The following WIPF2 variants were observed in gnomAD, a reference collection of about 807,000 sequenced individuals.
WIPF2 encodes the protein WAS/WASL-interacting protein family member 2.
WIPF2 carries 23 observed loss-of-function variants against 38.8 expected under a neutral mutation model. The ratio of observed to expected loss-of-function variants is 0.59; its 90% CI spans 0.43 to 0.84. The LOEUF is 0.84. Among genes scored for constraint, WIPF2 ranks in the 40% least tolerant of loss-of-function variants. The pLI, the probability that WIPF2 is intolerant of heterozygous loss-of-function variation, is 0.00. For synonymous variants in WIPF2, 210 were observed against 223.2 expected, an observed-to-expected ratio of 0.94 and a Z score of 0.53; for missense variants, 574 against 580.5, an observed-to-expected ratio of 0.99 and a Z score of 0.11.
At chr17:40,229,996 AAAAC>A (rs1260690994) in intron 1 of WIPF2, among the ~76,000 whole-genome samples, 4 of 152,186 alleles carry the variant, frequency 2.6e-5, no homozygotes, top group African/African-American at 7.2e-5. Context: ...TAGGGAGTGA[AAAAC>A]AGACAGGTAG....
In WIPF2 at chr17:40,278,524, A is replaced by G; in HGVS notation, c.*299A>G. The G allele has an allele frequency of 2.4e-6, 1 of 418,612 alleles. No individual in the cohort carries two copies. Among genetic ancestry groups the G allele is most frequent in the Non-Finnish European group, 4.4e-6 (1 of 229,016 alleles). 25.9% of individuals were successfully genotyped at this position (418,612 alleles called of 1,614,324 possible). On this transcript the variant is annotated 3_prime_UTR_variant, in exon 8 of 8. Coordinates refer to ENST00000323571, the MANE Select transcript of WIPF2 (RefSeq NM_133264.5). ...TGTCTTCTGCCTTCCTCTTGGGGAA[A>G]GGTGCCTTGTTGTGATGAATTAACT... is the stretch of plus-strand genomic sequence containing the variant.
rs771927035 is a variant in WIPF2, at chr17:40,263,555, C to G, written c.313+914C>G. ...TTATTTTATTTATTCGTCCCCCCCC[C>G]CCCCGCAAATGGAGTCTTGCTCTGT... On this transcript the variant is annotated intron_variant, in intron 4 of 7. Transcript: ENST00000323571. Among the ~76,000 whole-genome samples, 28 of 144,082 alleles carry G rather than the reference C, an allele frequency of 1.9e-4. 1 individual carries two copies. Among genetic ancestry groups the G allele is most frequent in the East Asian group, 6.1e-4 (3 of 4,898 alleles). 94.5% of individuals were successfully genotyped at this position (144,082 alleles called of 152,430 possible). A position where few individuals can be genotyped will look rare whatever the true frequency, so the allele number is the denominator to read the frequency against.
In WIPF2 at chr17:40,260,605, G is replaced by A. The variant is rs1243903881; in HGVS notation, c.134G>A (p.Cys45Tyr). ...RGRGALLQDI[C>Y]KGTKLKKVTN... Reference sequence around the variant, plus strand: ...CGAGGCGCCCTCTTACAGGACATTTGCAAAGGGACCAAGCTGAAGAAGGTG... The same window carrying A: ...CGAGGCGCCCTCTTACAGGACATTTACAAAGGGACCAAGCTGAAGAAGGTG... Residue 45 changes from cysteine (C) to tyrosine (Y), a missense_variant, in exon 3 of 8, where the codon TGC becomes TAC. Transcript: ENST00000323571. 3.7e-6 allele frequency: 6 copies of A among 1,613,914 alleles called. No homozygotes were observed. The highest frequency in any genetic ancestry group is 4.2e-6 in the Non-Finnish European group (5 of 1,180,000).
At chr17:40,277,979 G>A (rs1164126064) in intron 7 of WIPF2, among the ~76,000 whole-genome samples, 1 of 152,068 alleles carries the variant, frequency 6.6e-6, no homozygotes, top group African/African-American at 2.4e-5. Context: ...GCCCGCCTCG[G>A]CCTCCCAAAG....
rs550744985 is a variant in WIPF2 at position 40,264,716 on chromosome 17, A to G, written c.540A>G (p.Pro180=). 1 of 1,212,386 alleles carries G rather than the reference A, an allele frequency of 8.2e-7. No individual in the cohort carries two copies. Among genetic ancestry groups the G allele is most frequent in the East Asian group, 4.3e-5 (1 of 23,486 alleles). 75.1% of individuals were successfully genotyped at this position (1,212,386 alleles called of 1,614,324 possible). A position where few individuals can be genotyped will look rare whatever the true frequency, so the allele number is the denominator to read the frequency against. The change falls in exon 5 of 8, where the codon CCA becomes CCG. Residue 180 remains proline (P), a synonymous_variant. Transcript: ENST00000323571. Reference sequence around the variant, plus strand: ...ACAGCTCCTCTGCCCCTCCCCCACCACCCCCAGGGCGGCGTGCCAACGCAC... The same window carrying G: ...ACAGCTCCTCTGCCCCTCCCCCACCGCCCCCAGGGCGGCGTGCCAACGCAC... ...MKHSSSAPPP[P]PPGRRANAPP... is the part of the protein sequence containing the mutation.
intron 5 of WIPF2, among the ~76,000 whole-genome samples, chr17:40,266,274 G>A (rs895927274): frequency 2.0e-5 from 3 of 149,872 alleles, no homozygotes; most frequent in African/African-American, 4.9e-5. Context: ...CTGAGCCCTC[G>A]CCCTCCTACA....
chr17:40,245,310 A>C (rs1233619037), intron 1 of WIPF2, among the ~76,000 whole-genome samples: 1 of 151,920 alleles, frequency 6.6e-6, no homozygotes, highest in Non-Finnish European at 1.5e-5. Flanking sequence ...AGGGCTTAGC[A>C]ACCTCAGCAT....
chr17:40,219,421 G>T lies in WIPF2; in HGVS notation c.-141G>T. 1 of 388,904 alleles carries T rather than the reference G, an allele frequency of 2.6e-6. No homozygotes were observed. The highest frequency in any genetic ancestry group is 4.2e-5 in the Admixed American group (1 of 23,940). 24.1% of individuals were successfully genotyped at this position (388,904 alleles called of 1,614,324 possible). A position where few individuals can be genotyped will look rare whatever the true frequency, so the allele number is the denominator to read the frequency against. On this transcript the variant is annotated 5_prime_UTR_variant, in exon 1 of 8. Coordinates refer to ENST00000323571, the MANE Select transcript of WIPF2 (RefSeq NM_133264.5). ...GGCGACGGCGAGAAAGAGCTTGCCG[G>T]GGGGCGAGCAGGACAGGACGAAGCC...
At chr17:40,219,564 C>T (rs897060447) in intron 1 of WIPF2, 72 bp downstream of exon 1, 1 of 64,910 alleles carries the variant, frequency 1.5e-5, no homozygotes, top group African/African-American at 5.9e-5. Flanking sequence ...GGGAAAGTCG[C>T]GGGGAGGGGG....
chr17:40,223,877 G>A (rs1417602209), intron 1 of WIPF2, among the ~76,000 whole-genome samples: 1 of 151,938 alleles, frequency 6.6e-6, no homozygotes, highest in Admixed American at 6.6e-5. Flanking sequence ...GAGCCACCGC[G>A]CCCGGCCCGA....
chr17:40,255,429 G>A (rs1284627083), intron 1 of WIPF2, among the ~76,000 whole-genome samples: 1 of 151,252 alleles, frequency 6.6e-6, no homozygotes, highest in Admixed American at 6.6e-5. Flanking sequence ...AGGTTCAAGC[G>A]ATTCTCCTGC....
intron 1 of WIPF2, among the ~76,000 whole-genome samples, chr17:40,234,322 G>C (rs934694940): frequency 6.6e-6 from 1 of 152,150 alleles, no homozygotes; most frequent in African/African-American, 2.4e-5. Flanking sequence ...CCAGCTACTC[G>C]GGAGGCTGAG....
chr17:40,230,956 GTTT>G (rs1409720797), intron 1 of WIPF2, among the ~76,000 whole-genome samples: 1 of 152,138 alleles, frequency 6.6e-6, no homozygotes, highest in Non-Finnish European at 1.5e-5. Flanking sequence ...ATATGAAAGT[GTTT>G]TTATCTGCAA....
intron 5 of WIPF2, among the ~76,000 whole-genome samples, chr17:40,267,426 C>A (rs567449560): frequency 2.0e-4 from 31 of 152,086 alleles, no homozygotes; most frequent in Non-Finnish European, 4.4e-4. Context: ...TGAGGGAGAC[C>A]GTGACAGCTC....
chr17:40,279,254 C>T lies in WIPF2; in HGVS notation c.*1029C>T, dbSNP rs191762191. On this transcript the variant is annotated 3_prime_UTR_variant, in exon 8 of 8. Transcript: ENST00000323571. ...GGTGCTCCAGGATAACAAAGAAGGGCAGGTTGAAGCCCCTCATGGAAGGAG... is the reference window on the plus strand; with the variant it reads ...GGTGCTCCAGGATAACAAAGAAGGGTAGGTTGAAGCCCCTCATGGAAGGAG... 6.6e-6 allele frequency: 1 copy of T among 152,456 alleles called. No individual in the cohort carries two copies. Among genetic ancestry groups the T allele is most frequent in the African/African-American group, 2.4e-5 (1 of 41,534 alleles). The allele number at this position is 152,456 out of a possible 1,614,324, so 9.4% of individuals were successfully genotyped here.
chr17:40,235,924 TCTTC>T (rs2030950700), intron 1 of WIPF2, among the ~76,000 whole-genome samples: 1 of 151,422 alleles, frequency 6.6e-6, no homozygotes, highest in African/African-American at 2.4e-5. Context: ...TTACCTCCTT[TCTTC>T]CTTCACACTT....
chr17:40,264,998 T>C lies in WIPF2; in HGVS notation c.822T>C (p.Pro274=), dbSNP rs768443316. The C allele has an allele frequency of 2.4e-5, 39 of 1,613,954 alleles. No individual in the cohort carries two copies. The highest frequency in any genetic ancestry group is 2.5e-5 in the Non-Finnish European group (30 of 1,179,998). ...GPSSPTNESA[P]ELPQRHNSLH... The stretch of plus-strand genomic sequence containing the variant: ...CTAGCCCCACTAATGAGTCAGCCCC[T>C]GAGCTGCCACAGAGACACAATTCTT... The change falls in exon 5 of 8, where the codon CCT becomes CCC. Residue 274 remains proline (P), a synonymous_variant. Coordinates refer to ENST00000323571, the MANE Select transcript of WIPF2 (RefSeq NM_133264.5).
intron 6 of WIPF2, 102 bp from the exon 7 acceptor site, chr17:40,276,981 A>G (rs2032423477): frequency 9.7e-7 from 1 of 1,028,520 alleles, no homozygotes; most frequent in East Asian, 2.4e-5. Flanking sequence ...ACAGTACCTC[A>G]GAATGCCTGA....
intron 1 of WIPF2, among the ~76,000 whole-genome samples, chr17:40,252,044 C>T (rs2031575852): frequency 6.6e-6 from 1 of 152,110 alleles, no homozygotes; most frequent in Admixed American, 6.6e-5. Context: ...CCCTTCTTGG[C>T]CCCCTGAATA....
Sources: allele counts gnomAD v4.1 joint callset (sites outside exome capture counted in the v4.1 genomes callset), GRCh38; gene constraint gnomAD v4.1.1; transcripts MANE v1.5; gene names NCBI Gene and HGNC (gene_info 2026-07-23, HGNC 2026-07-21).